CADM1: variants seen among roughly 807,000 people sequenced by gnomAD.
CADM1 encodes TSLC-1.
CADM1 carries 15 observed loss-of-function variants against 53.1 expected under a neutral mutation model. The observed-to-expected ratio is 0.28, with a 90% confidence interval of 0.19 to 0.44. CADM1 has a LOEUF of 0.44. CADM1 is among the 20% of genes least tolerant of loss of function. The probability of loss-of-function intolerance (pLI) is 1.00; values close to 1 mark genes in which losing one functional copy is unlikely to be tolerated. For synonymous variants in CADM1, 281 were observed against 243.0 expected (o/e 1.16, Z -1.45); for missense variants, 434 against 611.3 (o/e 0.71, Z 3.06).
At chr11:115,221,134 G>A (rs1291677428) in intron 5 of CADM1, among the ~76,000 whole-genome samples, 1 of 152,152 alleles carries the variant, frequency 6.6e-6, no homozygotes, top group African/African-American at 2.4e-5. Context: ...CTACCCAAGT[G>A]CAATAACTGC....
chr11:115,298,369 T>C (rs569107324), intron 1 of CADM1, among the ~76,000 whole-genome samples: 107 of 152,276 alleles, frequency 7.0e-4, no homozygotes, highest in African/African-American at 2.5e-3. Context: ...AAGGATAGAA[T>C]GAGGAGAAGA....
intron 1 of CADM1, among the ~76,000 whole-genome samples, chr11:115,410,190 A>G (rs1947425139): frequency 6.6e-6 from 1 of 152,238 alleles, no homozygotes; most frequent in Admixed American, 6.5e-5. Flanking sequence ...CTCTCTGCCC[A>G]TTAACGATGC....
intron 1 of CADM1, among the ~76,000 whole-genome samples, chr11:115,484,807 C>T (rs542783328): frequency 2.6e-5 from 4 of 151,924 alleles, no homozygotes; most frequent in African/African-American, 9.6e-5. Context: ...ATTAGCCGGG[C>T]GTGGTGGCGG....
chr11:115,308,646 C>G (rs1033593464), intron 1 of CADM1, among the ~76,000 whole-genome samples: 2 of 151,934 alleles, frequency 1.3e-5, no homozygotes, highest in African/African-American at 4.8e-5. Context: ...GTACCAACAA[C>G]TTTTCTGTAG....
intron 1 of CADM1, among the ~76,000 whole-genome samples, chr11:115,444,598 C>A (rs1948407185): frequency 6.6e-6 from 1 of 152,202 alleles, no homozygotes; most frequent in African/African-American, 2.4e-5. Flanking sequence ...ACATACACTT[C>A]ATTCAGGTTC....
chr11:115,203,137 C>T (rs931709326), intron 8 of CADM1, among the ~76,000 whole-genome samples: 5 of 149,496 alleles, frequency 3.3e-5, no homozygotes, highest in South Asian at 2.1e-4. Flanking sequence ...ACAGCAGCAA[C>T]GGGGGATGAT....
intron 11 of CADM1, 81 bp downstream of exon 11, chr11:115,178,563 C>T: frequency 7.1e-7 from 1 of 1,400,068 alleles, no homozygotes; most frequent in Non-Finnish European, 1.0e-6. Context: ...ATCAAATTGC[C>T]TATCAAGGAC....
intron 1 of CADM1, among the ~76,000 whole-genome samples, chr11:115,393,530 GA>G (rs906287419): frequency 2.1e-5 from 3 of 141,020 alleles, no homozygotes; most frequent in African/African-American, 7.8e-5. Context: ...TAAAGTATTA[GA>G]AAAAAGAGCA....
intron 1 of CADM1, among the ~76,000 whole-genome samples, chr11:115,430,216 A>G (rs1948008423): frequency 6.6e-6 from 1 of 152,190 alleles, no homozygotes; most frequent in African/African-American, 2.4e-5. Context: ...TAGCTTCCAC[A>G]TCTTGTCTCT....
intron 1 of CADM1, among the ~76,000 whole-genome samples, chr11:115,279,964 T>A (rs1466962572): frequency 6.6e-6 from 1 of 152,208 alleles, no homozygotes; most frequent in Non-Finnish European, 1.5e-5. Context: ...ACTGCACAGC[T>A]GTAGAAAGCT....
intron 1 of CADM1, among the ~76,000 whole-genome samples, chr11:115,297,996 T>C (rs1436022371): frequency 6.6e-6 from 1 of 152,194 alleles, no homozygotes; most frequent in Non-Finnish European, 1.5e-5. Context: ...TAGTTTAAAA[T>C]AAGAGTGGAT....
chr11:115,179,644 A>G (rs1939215689), intron 10 of CADM1, among the ~76,000 whole-genome samples: 1 of 152,166 alleles, frequency 6.6e-6, no homozygotes, highest in Non-Finnish European at 1.5e-5. Context: ...GGCATTTGAG[A>G]TTTATAATGT....
intron 1 of CADM1, among the ~76,000 whole-genome samples, chr11:115,244,259 G>C (rs147766589): frequency 8.9e-4 from 136 of 152,266 alleles, no homozygotes; most frequent in African/African-American, 3.1e-3. Flanking sequence ...TTGGGGTGGG[G>C]GTGCAGCGGG....
intron 1 of CADM1, among the ~76,000 whole-genome samples, chr11:115,450,549 G>GT (rs1479307019): frequency 9.2e-5 from 14 of 152,262 alleles, no homozygotes; most frequent in African/African-American, 3.4e-4. Context: ...TTTGTTAACT[G>GT]TTGTTCAGTA....
intron 1 of CADM1, among the ~76,000 whole-genome samples, chr11:115,293,728 TTG>T (rs547058097): frequency 6.6e-6 from 1 of 152,186 alleles, no homozygotes; most frequent in Admixed American, 6.5e-5. Flanking sequence ...CTATGATTAG[TTG>T]TGTTATTATG....
intron 1 of CADM1, among the ~76,000 whole-genome samples, chr11:115,322,058 T>A (rs940143641): frequency 6.6e-6 from 1 of 152,166 alleles, no homozygotes; most frequent in African/African-American, 2.4e-5. Flanking sequence ...AAGCACAGAA[T>A]GATTCTATCA....
At chr11:115,463,861 T>C (rs549555772) in intron 1 of CADM1, among the ~76,000 whole-genome samples, 33 of 126,672 alleles carry the variant, frequency 2.6e-4, no homozygotes, top group South Asian at 3.1e-4. Flanking sequence ...CTTTTTTTTT[T>C]TGGGCCGGGG....
rs1376263562 is a variant in CADM1 at position 115,472,252 on chromosome 11, A to G, written c.124+32019T>C. Among the ~76,000 whole-genome samples, 3 of 152,364 alleles carry G rather than the reference A, an allele frequency of 2.0e-5. No homozygotes were observed. The East Asian group carries it at 5.8e-4, about 29-fold the overall frequency. ...TAGTAATTGTATCCTATAGCTAAGT[A>G]GATGTCAGAGCCCAGGGAGGGAAAT... On this transcript the variant is annotated intron_variant, in intron 1 of 11. Coordinates refer to ENST00000331581, the MANE Select transcript of CADM1 (RefSeq NM_001301043.2).
At chr11:115,352,372 A>C (rs1945760152) in intron 1 of CADM1, among the ~76,000 whole-genome samples, 1 of 152,208 alleles carries the variant, frequency 6.6e-6, no homozygotes, top group African/African-American at 2.4e-5. Context: ...ATCCTCACGC[A>C]CTTGTGCAAG....
Sources: gnomAD v4.1 joint callset for allele counts (sites outside exome capture counted in the v4.1 genomes callset) on GRCh38, gnomAD v4.1.1 for gene constraint, MANE v1.5 for transcripts, NCBI Gene and HGNC (gene_info 2026-07-23, HGNC 2026-07-21) for gene names.